MYH4: variants seen among roughly 807,000 people sequenced by gnomAD.
The protein encoded by MYH4 is myosin-4.
In MYH4, 200 loss-of-function variants were observed where a neutral mutation model predicts 229.9. The ratio of observed to expected loss-of-function variants is 0.87; its 90% CI spans 0.78 to 0.98. The LOEUF is 0.98. Among genes scored for constraint, MYH4 ranks in the 50% least tolerant of loss-of-function variants. The pLI, the probability that MYH4 is intolerant of heterozygous loss-of-function variation, is 0.00. For synonymous variants in MYH4, 761 were observed against 834.6 expected (o/e 0.91, Z 1.52); for missense variants, 2,148 against 2,332.6 (o/e 0.92, Z 1.63).
rs2072478244 is a variant in MYH4 at position 10,443,449 on chromosome 17, T to C, written c.5746A>G (p.Ile1916Val). ...AGCTTGTTGACTTGGGACTCAGCAA[T>C]GTCAGCCCGTTCCTTGGCCTCCTCC... Reference protein sequence around the residue: ...ELEEAKERADIAESQVNKLRV... With the variant: ...ELEEAKERADVAESQVNKLRV... The change falls in exon 40 of 40, where the codon ATT becomes GTT. Residue 1916 changes from isoleucine to valine, a missense_variant. Coordinates refer to ENST00000255381, the MANE Select transcript of MYH4 (RefSeq NM_017533.2). The surrounding 1 kb of genome is among the most constrained non-coding windows in gnomAD (Gnocchi z 4.6). 1.2e-6 allele frequency: 2 copies of C among 1,614,186 alleles called. No individual in the cohort carries two copies. Among genetic ancestry groups the C allele is most frequent in the South Asian group, 2.2e-5 (2 of 91,084 alleles).
intron 7 of MYH4, 53 bp downstream of exon 7, chr17:10,464,419 G>T: frequency 6.9e-7 from 1 of 1,455,242 alleles, no homozygotes; most frequent in Non-Finnish European, 9.5e-7. Context: ...TGATGTGCAC[G>T]TGGTTAGATT....
In MYH4 at chr17:10,463,074, C is replaced by A; in HGVS notation, c.904+16G>T. The A allele has an allele frequency of 6.2e-7, 1 of 1,602,504 alleles. No individual in the cohort carries two copies. Among genetic ancestry groups the A allele is most frequent in the South Asian group, 1.1e-5 (1 of 90,296 alleles). The stretch of plus-strand genomic sequence containing the variant: ...CTGTTATTCTTTGGTAGAAATAAAT[C>A]AAAGATGTGTCTTACCAATGAGCTC... On this transcript the variant is annotated intron_variant, in intron 10 of 39. Coordinates refer to ENST00000255381, the MANE Select transcript of MYH4 (RefSeq NM_017533.2).
chr17:10,457,138 G>A (rs1219532733), intron 16 of MYH4, among the ~76,000 whole-genome samples: 1 of 152,208 alleles, frequency 6.6e-6, no homozygotes, highest in African/African-American at 2.4e-5. Flanking sequence ...TAAAATGATA[G>A]AAATGAGTTT....
chr17:10,444,088 G>A (rs1269139995), intron 39 of MYH4, among the ~76,000 whole-genome samples: 1 of 152,114 alleles, frequency 6.6e-6, no homozygotes, highest in Non-Finnish European at 1.5e-5. Flanking sequence ...ATAACTGGAA[G>A]AACAAAGTAG....
Position 10,466,394 on chromosome 17 carries a change from T to TG in MYH4, c.226dup (p.Gln76ProfsTer11). 6.2e-7 allele frequency: 1 copy of TG among 1,614,158 alleles called. No homozygotes were observed. Among genetic ancestry groups the TG allele is most frequent in the Non-Finnish European group, 8.5e-7 (1 of 1,180,010 alleles). ...TTTGGGAGGGTTCATGGAGAAGACT[T>TG]GGTCTTCTTTCACAGTTACAGTCTG... On this transcript the variant is annotated frameshift_variant, in exon 4 of 40. Coordinates refer to ENST00000255381, the MANE Select transcript of MYH4 (RefSeq NM_017533.2). LOFTEE classifies it high-confidence loss of function.
intron 10 of MYH4, 50 bp downstream of exon 10, chr17:10,463,040 T>C (rs766521772): frequency 6.3e-7 from 1 of 1,591,532 alleles, no homozygotes; most frequent in African/African-American, 1.3e-5. Context: ...GAGAGGCTTC[T>C]TAGAAGGGCT....
chr17:10,447,870 C>A lies in MYH4; in HGVS notation c.4913G>T (p.Arg1638Leu), dbSNP rs781618312. 1 of 1,613,818 alleles carries A rather than the reference C, an allele frequency of 6.2e-7. No individual in the cohort carries two copies. The highest frequency in any genetic ancestry group is 1.7e-5 in the Admixed American group (1 of 60,004). Reference protein sequence around the residue: ...EMEIQLNHANRQAAEALRNLR... With the variant: ...EMEIQLNHANLQAAEALRNLR... ...ATTCCTTAGTGCCTCAGCAGCCTGG[C>A]GGTTGGCATGGTTCAGCTGGATTTC... Residue 1638 changes from arginine to leucine, a missense_variant, in exon 34 of 40, where the codon CGC becomes CTC. Transcript: ENST00000255381.
rs3744558 is a variant in MYH4 at position 10,454,598 on chromosome 17, G to A, written c.2648C>T (p.Thr883Met). The A allele has an allele frequency of 3.0e-3, 4,915 of 1,614,054 alleles. 142 individuals carry two copies. The East Asian group carries it at 0.077, about 25-fold the overall frequency. Reference protein sequence around the residue: ...KRKELEEKMVTLMQEKNDLQL... With the variant: ...KRKELEEKMVMLMQEKNDLQL... ...TAAGTCATTTTTCTCTTGCATTAGC[G>A]TCACCATCTTTTCTTCTAGTTCTTT... Residue 883 changes from threonine to methionine, a missense_variant, in exon 22 of 40, where the codon ACG becomes ATG. Physicochemically the swap from Thr to Met is moderately conservative, Grantham distance 81 (BLOSUM62 -1). Coordinates refer to ENST00000255381, the MANE Select transcript of MYH4 (RefSeq NM_017533.2).
intron 23 of MYH4, 54 bp downstream of exon 23, chr17:10,453,589 A>T: frequency 6.2e-7 from 1 of 1,612,004 alleles, no homozygotes; most frequent in Admixed American, 1.7e-5. Flanking sequence ...TTTAATTAAA[A>T]TACTTCAGTA....
intron 15 of MYH4, 93 bp downstream of exon 15, chr17:10,459,158 C>G: frequency 1.9e-6 from 3 of 1,596,824 alleles, no homozygotes; most frequent in Non-Finnish European, 2.6e-6. Context: ...GGAAACAGCA[C>G]TGCTTGTTCT....
rs757745172 is a variant in MYH4, at chr17:10,453,249, T to C, written c.3014A>G (p.Glu1005Gly). The C allele has an allele frequency of 1.2e-6, 2 of 1,614,080 alleles. No homozygotes were observed. Among genetic ancestry groups the C allele is most frequent in the Non-Finnish European group, 1.7e-6 (2 of 1,180,006 alleles). The change falls in exon 24 of 40, where the codon GAG (glutamate) becomes GGG (glycine). Residue 1005 changes from glutamate to glycine, a missense_variant. Glu to Gly is a moderately conservative substitution (Grantham distance 98). Transcript: ENST00000255381. The stretch of plus-strand genomic sequence containing the variant: ...GTCATCCAGGGTCTGCTGGTGGGCC[T>C]CCTGGAGAGCCTTCTTCTCCTTGGT... Reference protein sequence around the residue: ...KLTKEKKALQEAHQQTLDDLQ... With the variant: ...KLTKEKKALQGAHQQTLDDLQ...
In MYH4 at chr17:10,453,300, CCTGCCAT is replaced by C; in HGVS notation, c.2956_2962del (p.Met986ValfsTer9). The C allele has an allele frequency of 6.2e-7, 1 of 1,613,996 alleles. No homozygotes were observed. The highest frequency in any genetic ancestry group is 8.5e-7 in the Non-Finnish European group (1 of 1,180,006). On this transcript the variant is annotated frameshift_variant, in exon 24 of 40. Transcript: ENST00000255381. LOFTEE classifies it high-confidence loss of function. ...CAGCTTAGCAATGGTTTCATCCAGA[CCTGCCAT>C]CTCTTCTGTGAGGTTTTTCACCTTT...
rs1391703557 is a variant in MYH4 at position 10,443,866 on chromosome 17, T to C, written c.5668-339A>G. The stretch of plus-strand genomic sequence containing the variant: ...AGGCAGAGATTGCAGTGAGCTGAGA[T>C]TGTGCCATTGCACTCCAGCCTGGGC... On this transcript the variant is annotated intron_variant, in intron 39 of 39. Transcript: ENST00000255381. The surrounding 1 kb of genome is among the most constrained non-coding windows in gnomAD (Gnocchi z 4.6). Among the ~76,000 whole-genome samples the C allele has an allele frequency of 6.6e-6, 1 of 151,488 alleles. No individual in the cohort carries two copies. The highest frequency in any genetic ancestry group is 1.9e-4 in the East Asian group (1 of 5,172).
In MYH4 at chr17:10,465,547, C is replaced by A. The variant is rs763188898; in HGVS notation, c.400G>T (p.Val134Leu). Reference protein sequence around the residue: ...VTVNPYKWLPVYNPEVVTAYR... With the variant: ...VTVNPYKWLPLYNPEVVTAYR... ...GCTGTCACCACCTCAGGGTTGTACACCGGCAGCCACTTGTAGGGGTTGACG... is the reference window on the plus strand; with the variant it reads ...GCTGTCACCACCTCAGGGTTGTACAACGGCAGCCACTTGTAGGGGTTGACG... The change falls in exon 5 of 40, where the codon GTG (valine) becomes TTG (leucine). Residue 134 changes from valine to leucine, a missense_variant. Physicochemically the swap from Val to Leu is conservative, Grantham distance 32. Transcript: ENST00000255381. 1.2e-6 allele frequency: 2 copies of A among 1,614,046 alleles called. No individual in the cohort carries two copies. Among genetic ancestry groups the A allele is most frequent in the Non-Finnish European group, 1.7e-6 (2 of 1,180,038 alleles).
At position 10,450,767 on chromosome 17, in the gene MYH4, G is replaced by A. The variant is rs2072563997; in HGVS notation, c.3984+10C>T. The A allele has an allele frequency of 6.2e-7, 1 of 1,611,678 alleles. No homozygotes were observed. The highest frequency in any genetic ancestry group is 8.5e-7 in the Non-Finnish European group (1 of 1,177,918). On this transcript the variant is annotated intron_variant, in intron 29 of 39. Coordinates refer to ENST00000255381, the MANE Select transcript of MYH4 (RefSeq NM_017533.2). ...CAAGTGATTGAAAGTATCAGCTGGAGAATTCTCACCTTAGTCTCCTCTTCT... is the reference window on the plus strand; with the variant it reads ...CAAGTGATTGAAAGTATCAGCTGGAAAATTCTCACCTTAGTCTCCTCTTCT...
chr17:10,455,262 C>G lies in MYH4; in HGVS notation c.2208G>C (p.Glu736Asp). 6.2e-7 allele frequency: 1 copy of G among 1,613,790 alleles called. No individual in the cohort carries two copies. The highest frequency in any genetic ancestry group is 8.5e-7 in the Non-Finnish European group (1 of 1,179,876). Residue 736 changes from glutamate (E) to aspartate (D), a missense_variant, in exon 20 of 40, where the codon GAG (glutamate) becomes GAC (aspartate). Glu to Asp is a conservative substitution (Grantham distance 45, BLOSUM62 2). Coordinates refer to ENST00000255381, the MANE Select transcript of MYH4 (RefSeq NM_017533.2). ...YKVLNASAIP[E>D]GQFIDSKKAS... ...CCTTCTTGCTGTCAATGAACTGACC[C>G]TCTGGGATAGCACTCGCATTTAGAA... is the stretch of plus-strand genomic sequence containing the variant.
intron 35 of MYH4, 87 bp from the exon 36 acceptor site, chr17:10,445,449 T>C: frequency 1.3e-6 from 2 of 1,506,182 alleles, no homozygotes; most frequent in Non-Finnish European, 1.8e-6. Context: ...CAGGCAAAAA[T>C]TATTGATCAT....
rs1422670277 is a variant in MYH4, at chr17:10,450,584, C to T, written c.4050G>A (p.Gln1350=). The T allele has an allele frequency of 2.5e-6, 4 of 1,614,094 alleles. No individual in the cohort carries two copies. The African/African-American group carries it at 5.3e-5, about 22-fold the overall frequency. ...ARHDCDLLRE[Q]YEEEQEAKAE... ...CCTTGGCTTCCTGCTCCTCCTCATA[C>T]TGTTCCCGCAGCAGGTCACAGTCAT... The change falls in exon 30 of 40, where the codon CAG becomes CAA. Residue 1350 remains glutamine, a synonymous_variant. Coordinates refer to ENST00000255381, the MANE Select transcript of MYH4 (RefSeq NM_017533.2).
Position 10,448,449 on chromosome 17 carries a change from T to A in MYH4, c.4603A>T (p.Lys1535Ter). 1 of 1,614,028 alleles carries A rather than the reference T, an allele frequency of 6.2e-7. No homozygotes were observed. Among genetic ancestry groups the A allele is most frequent in the Non-Finnish European group, 8.5e-7 (1 of 1,179,930 alleles). ...KHIHELEKVK[K>*]QLDHEKSELQ... Reference sequence around the variant, plus strand: ...TCACTCTTCTCATGATCAAGTTGTTTCTTTACTTTCTCCAGTTCATGGATA... The same window carrying A: ...TCACTCTTCTCATGATCAAGTTGTTACTTTACTTTCTCCAGTTCATGGATA... Residue 1535 changes from lysine to a stop codon, truncating the protein, a stop_gained, in exon 33 of 40, where the codon AAA becomes TAA. Transcript: ENST00000255381. LOFTEE classifies it high-confidence loss of function.
Sources: allele counts gnomAD v4.1 joint callset (sites outside exome capture counted in the v4.1 genomes callset), GRCh38; gene constraint gnomAD v4.1.1; non-coding constraint Gnocchi (gnomAD v3.1); transcripts MANE v1.5; gene names NCBI Gene and HGNC (gene_info 2026-07-23, HGNC 2026-07-21).